ZNF460: variants seen among roughly 807,000 people sequenced by gnomAD.
The protein encoded by ZNF460 is zinc finger protein 460.
A neutral mutation model predicts 8.4 loss-of-function variants in ZNF460; 1 was observed. The observed-to-expected ratio is 0.12, with a 90% CI of 0.04 to 0.56. The LOEUF (loss-of-function observed/expected upper bound fraction) is 0.56, where lower values mean the gene tolerates loss of function less well. Among genes scored for constraint, ZNF460 ranks in the 20% least tolerant of loss-of-function variants. The pLI is 0.91. For synonymous variants in ZNF460, 262 were observed against 259.9 expected, an observed-to-expected ratio of 1.01 and a Z score of -0.08; for missense variants, 477 against 714.8, an observed-to-expected ratio of 0.67 and a Z score of 3.79.
At chr19:57,290,109 C>T (rs2087905958) in intron 2 of ZNF460, among the ~76,000 whole-genome samples, 1 of 151,758 alleles carries the variant, frequency 6.6e-6, no homozygotes, top group Non-Finnish European at 1.5e-5. Flanking sequence ...CACTGCACTC[C>T]AGCCTAGGCA....
chr19:57,280,780 G>A lies in ZNF460; in HGVS notation c.-27G>A, dbSNP rs376465498. ...CCCGCCCAGGACAGAGAAGGGCTGT[G>A]GTCGGCTGATCCGCGGCATTCCCGG... is the stretch of plus-strand genomic sequence containing the variant. On this transcript the variant is annotated 5_prime_UTR_variant, in exon 1 of 3. Transcript: ENST00000360338. The A allele has an allele frequency of 2.9e-3, 4,654 of 1,613,838 alleles. 17 individuals carry two copies. The highest frequency in any genetic ancestry group is 6.2e-3 in the South Asian group (568 of 91,034).
In ZNF460 at chr19:57,292,184, C is replaced by A. The variant is rs1365806460; in HGVS notation, c.1643C>A (p.Ser548Ter). Residue 548 changes from serine (S) to a stop codon, truncating the protein, a stop_gained, in exon 3 of 3, where the codon TCA (serine) becomes TAA (stop). Transcript: ENST00000360338. LOFTEE classifies it low-confidence loss of function (END_TRUNC). ...CCTTCAATTGCCGCTCATTCCTCCT[C>A]ACTCGACATCAACGGATTCATAGTG... ...ETPSIAAHSSSLDINGFIVEE... is the reference protein window; with the variant it reads ...ETPSIAAHSS 1 of 1,614,088 alleles carries A rather than the reference C, an allele frequency of 6.2e-7. No individual in the cohort carries two copies. Among genetic ancestry groups the A allele is most frequent in the African/African-American group, 1.3e-5 (1 of 75,054 alleles).
intron 1 of ZNF460, 135 bp from the exon 2 acceptor site, chr19:57,284,416 G>T (rs988672535): frequency 9.1e-7 from 1 of 1,096,840 alleles, no homozygotes; most frequent in Non-Finnish European, 1.3e-6. Context: ...TCCTAGCACA[G>T]ATCTTGGCCC....
At chr19:57,280,367 G>A (rs1011989756), upstream of ZNF460, 2 of 183,376 alleles carry the variant, frequency 1.1e-5, no homozygotes, top group South Asian at 9.5e-5. Context: ...CCTTGCGTCG[G>A]CCGCGGACTC....
At chr19:57,281,588 C>T (rs953283089) in intron 1 of ZNF460, among the ~76,000 whole-genome samples, 40 of 81,696 alleles carry the variant, frequency 4.9e-4, no homozygotes, top group Non-Finnish European at 1.5e-4. Flanking sequence ...TTTTTTGAGA[C>T]GGAGTCTTGT....
chr19:57,280,977 C>T (rs1600019759), intron 1 of ZNF460, 141 bp downstream of exon 1: 1 of 1,260,100 alleles, frequency 7.9e-7, no homozygotes, highest in Non-Finnish European at 1.1e-6. Context: ...TTGTCATTTC[C>T]TTTATCCGCA....
At position 57,291,546 on chromosome 19, in the gene ZNF460, C is replaced by T. The variant is rs2122897125; in HGVS notation, c.1005C>T (p.Pro335=). ...TCATTATCCATACTGGGGAGAGGCC[C>T]TTTAAGTGCCTTGAGTGTGGGAAGG... ...QHFIIHTGER[P]FKCLECGKAF... The change falls in exon 3 of 3, where the codon CCC becomes CCT. Residue 335 remains proline (P), a synonymous_variant. Coordinates refer to ENST00000360338, the MANE Select transcript of ZNF460 (RefSeq NM_006635.4). This position sits in a 1 kb window ranked among gnomAD's most constrained non-coding sequence, Gnocchi z 8.4. 6.2e-7 allele frequency: 1 copy of T among 1,614,068 alleles called. No homozygotes were observed.
At position 57,285,252 on chromosome 19, in the gene ZNF460, A is replaced by C. The variant is rs192884070; in HGVS notation, c.157+575A>C. Among the ~76,000 whole-genome samples, 82 of 152,294 alleles carry C rather than the reference A, an allele frequency of 5.4e-4. 1 individual carries two copies. Among genetic ancestry groups the C allele is most frequent in the African/African-American group, 1.9e-3 (78 of 41,558 alleles). On this transcript the variant is annotated intron_variant, in intron 2 of 2. Coordinates refer to ENST00000360338, the MANE Select transcript of ZNF460 (RefSeq NM_006635.4). Reference sequence around the variant, plus strand: ...ACCAGGAAATGGGATGTTTTGTAGAACCCAAAGGCAGGATTTGCAGCCAGG... The same window carrying C: ...ACCAGGAAATGGGATGTTTTGTAGACCCCAAAGGCAGGATTTGCAGCCAGG...
chr19:57,290,712 A>C lies in ZNF460; in HGVS notation c.171A>C (p.Lys57Asn). 1 of 1,612,754 alleles carries C rather than the reference A, an allele frequency of 6.2e-7. No individual in the cohort carries two copies. Residue 57 changes from lysine (K) to asparagine (N), a missense_variant, in exon 3 of 3, where the codon AAA (lysine) becomes AAC (asparagine). Coordinates refer to ENST00000360338, the MANE Select transcript of ZNF460 (RefSeq NM_006635.4). ...GLLVALGDSTKPETVEPIPSH... is the reference protein window; with the variant it reads ...GLLVALGDSTNPETVEPIPSH... ...TGTTCCCTTCAGGTGACAGCACAAA[A>C]CCTGAGACCGTAGAGCCTATCCCTT...
Position 57,290,995 on chromosome 19 carries a change from G to A in ZNF460, c.454G>A (p.Gly152Arg). 6.2e-7 allele frequency: 1 copy of A among 1,614,182 alleles called. No homozygotes were observed. Among genetic ancestry groups the A allele is most frequent in the Non-Finnish European group, 8.5e-7 (1 of 1,180,034 alleles). The change falls in exon 3 of 3, where the codon GGA becomes AGA. Residue 152 changes from glycine (G) to arginine (R), a missense_variant. Physicochemically the swap from Gly to Arg is moderately radical, Grantham distance 125 (BLOSUM62 -2). Coordinates refer to ENST00000360338, the MANE Select transcript of ZNF460 (RefSeq NM_006635.4). ...NQVSPEDALY[G>R]FDSYGPVTDS... Reference sequence around the variant, plus strand: ...AGTCTCACCAGAAGATGCTCTCTATGGATTTGACTCATATGGACCAGTTAC... The same window carrying A: ...AGTCTCACCAGAAGATGCTCTCTATAGATTTGACTCATATGGACCAGTTAC...
At position 57,292,657 on chromosome 19, in the gene ZNF460, C is replaced by T. The variant is rs952030152; in HGVS notation, c.*427C>T. On this transcript the variant is annotated 3_prime_UTR_variant, in exon 3 of 3. Coordinates refer to ENST00000360338, the MANE Select transcript of ZNF460 (RefSeq NM_006635.4). ...CTTCTTTCAGACTTCCCTGACAAGC[C>T]CATGGCAATTTGTCATCCCCTCCTT... The T allele has an allele frequency of 4.9e-5, 8 of 161,812 alleles. No individual in the cohort carries two copies. 10.0% of individuals were successfully genotyped at this position (161,812 alleles called of 1,614,324 possible).
At chr19:57,287,331 C>T (rs2087886766) in intron 2 of ZNF460, among the ~76,000 whole-genome samples, 1 of 152,152 alleles carries the variant, frequency 6.6e-6, no homozygotes. Flanking sequence ...CTGTTGTTTT[C>T]AGGTTTTGGA....
At chr19:57,281,556 A>AATTTTTTTTTT (rs2087839568) in intron 1 of ZNF460, among the ~76,000 whole-genome samples, 3 of 85,040 alleles carry the variant, frequency 3.5e-5, no homozygotes, top group African/African-American at 1.5e-4. Flanking sequence ...TAACCCTGAA[A>AATTTTTTTTTT]TTTTTTTTTT....
At chr19:57,286,585 C>T (rs55640019) in intron 2 of ZNF460, among the ~76,000 whole-genome samples, 33,144 of 152,000 alleles carry the variant, frequency 0.22, 4,215 homozygotes, top group Admixed American at 0.26. Context: ...GAGTTCGAGA[C>T]TAGGCTTGGC....
At chr19:57,281,670 A>G (rs2087841156) in intron 1 of ZNF460, among the ~76,000 whole-genome samples, 1 of 143,858 alleles carries the variant, frequency 7.0e-6, no homozygotes, top group South Asian at 2.2e-4. Context: ...GGTTCAAGCG[A>G]TTCTCCTGCC....
chr19:57,287,777 G>C (rs958639684), intron 2 of ZNF460, among the ~76,000 whole-genome samples: 1 of 152,120 alleles, frequency 6.6e-6, no homozygotes, highest in African/African-American at 2.4e-5. Flanking sequence ...CGGATCACTT[G>C]AGGTCAGGAG....
chr19:57,281,804 G>C (rs974298634), intron 1 of ZNF460: 2 of 152,108 alleles, frequency 1.3e-5, no homozygotes, highest in Non-Finnish European at 2.9e-5. Context: ...GACCTCAGGT[G>C]ATCCACCCAT....
chr19:57,291,280 A>G lies in ZNF460; in HGVS notation c.739A>G (p.Asn247Asp). The G allele has an allele frequency of 6.2e-7, 1 of 1,613,972 alleles. No homozygotes were observed. The highest frequency in any genetic ancestry group is 8.5e-7 in the Non-Finnish European group (1 of 1,179,992). The change falls in exon 3 of 3, where the codon AAT (asparagine) becomes GAT (aspartate). Residue 247 changes from asparagine (N) to aspartate (D), a missense_variant. Physicochemically the swap from Asn to Asp is conservative, Grantham distance 23. Transcript: ENST00000360338. This position sits in a 1 kb window ranked among gnomAD's most constrained non-coding sequence, Gnocchi z 8.4. ...CCTCACACGGCACCAGCGGACTCAC[A>G]ATGGAGATAAGCCCTTTGTGTGCAG... Reference protein sequence around the residue: ...SHLTRHQRTHNGDKPFVCSEC... With the variant: ...SHLTRHQRTHDGDKPFVCSEC...
intron 2 of ZNF460, among the ~76,000 whole-genome samples, chr19:57,287,444 A>G (rs755051158): frequency 1.3e-5 from 2 of 152,184 alleles, no homozygotes; most frequent in African/African-American, 4.8e-5. Context: ...ACTCGTGTGT[A>G]CATATCAGGT....
Sources: allele counts gnomAD v4.1 joint callset (sites outside exome capture counted in the v4.1 genomes callset), GRCh38; gene constraint gnomAD v4.1.1; non-coding constraint Gnocchi (gnomAD v3.1); transcripts MANE v1.5; gene names NCBI Gene and HGNC (gene_info 2026-07-23, HGNC 2026-07-21).